Variants in INPPL1 observed in about 807,000 individuals in gnomAD.
The protein encoded by INPPL1 is phosphatidylinositol 3,4,5-trisphosphate 5-phosphatase 2.
A neutral mutation model predicts 139.3 loss-of-function variants in INPPL1; 91 were observed. The observed-to-expected ratio is 0.65, with a 90% confidence interval of 0.55 to 0.78. The LOEUF (loss-of-function observed/expected upper bound fraction) is 0.78, where lower values mean the gene tolerates loss of function less well. INPPL1 is among the 30% of genes least tolerant of loss of function. The pLI, the probability that INPPL1 is intolerant of heterozygous loss-of-function variation, is 0.00. For missense variants in INPPL1, 1,411 were observed against 1,665.6 expected (o/e 0.85, Z 2.66); for synonymous variants, 719 against 686.6 (o/e 1.05, Z -0.74).
At chr11:72,225,759 G>A (rs1387819874) in intron 1 of INPPL1, among the ~76,000 whole-genome samples, 2 of 152,286 alleles carry the variant, frequency 1.3e-5, no homozygotes, top group South Asian at 4.2e-4. Flanking sequence ...GAGTGTTTGA[G>A]CCCTGGCTCT....
Position 72,225,162 on chromosome 11 carries a change from G to C in INPPL1, c.178G>C (p.Val60Leu), listed in dbSNP as rs1035855384. The C allele has an allele frequency of 3.2e-6, 4 of 1,231,454 alleles. No individual in the cohort carries two copies. The highest frequency in any genetic ancestry group is 1.6e-5 in the African/African-American group (1 of 64,400). 76.3% of individuals were successfully genotyped at this position (1,231,454 alleles called of 1,614,324 possible). A position where few individuals can be genotyped will look rare whatever the true frequency, so the allele number is the denominator to read the frequency against. ...CGTGGCGGGGGCCTTCGCGCTCTGC[G>C]TCCTGTGAGTGGGGCGGGGGCTCCT... Reference protein sequence around the residue: ...ESVAGAFALCVLYQKHVHTYR... With the variant: ...ESVAGAFALCLLYQKHVHTYR... The change falls in exon 1 of 28, where the codon GTC becomes CTC. Residue 60 changes from valine to leucine, a missense_variant. Around this residue, in one of 5 missense-constraint regions of INPPL1, gnomAD observed 504 missense variants for 595.6 expected, o/e 0.85. Coordinates refer to ENST00000298229, the MANE Select transcript of INPPL1 (RefSeq NM_001567.4).
At position 72,228,382 on chromosome 11, in the gene INPPL1, C is replaced by T; in HGVS notation, c.281C>T (p.Thr94Ile). Residue 94 changes from threonine (T) to isoleucine (I), a missense_variant, in exon 3 of 28, where the codon ACC becomes ATC. By Grantham distance (89) the Thr-to-Ile change is moderately conservative. Around this residue, in one of 5 missense-constraint regions of INPPL1, gnomAD observed 504 missense variants for 595.6 expected, o/e 0.85. Coordinates refer to ENST00000298229, the MANE Select transcript of INPPL1 (RefSeq NM_001567.4). This position sits in a 1 kb window ranked among gnomAD's most constrained non-coding sequence, Gnocchi z 5.0. ...GGTGTGCCTGTGCGCCGCTTCCAGACCCTGGGTGAGCTCATCGGCCTGTAC... is the reference window on the plus strand; with the variant it reads ...GGTGTGCCTGTGCGCCGCTTCCAGATCCTGGGTGAGCTCATCGGCCTGTAC... ...SQGVPVRRFQ[T>I]LGELIGLYAQ... 3 of 1,613,484 alleles carry T rather than the reference C, an allele frequency of 1.9e-6. No homozygotes were observed. Among genetic ancestry groups the T allele is most frequent in the South Asian group, 1.1e-5 (1 of 91,086 alleles).
chr11:72,234,510 T>TCCCACC lies in INPPL1; in HGVS notation c.2327-8_2327-3dup. ...GAGAGGTGGTGCTCAGTTGGGTGTC[T>TCCCACC]CCCACCCCCACCCCAGAATACAAGA... On this transcript the variant is annotated splice_polypyrimidine_tract_variant and intron_variant, in intron 20 of 27. Transcript: ENST00000298229. This position sits in a 1 kb window ranked among gnomAD's most constrained non-coding sequence, Gnocchi z 4.2. 2 of 1,588,306 alleles carry TCCCACC rather than the reference T, an allele frequency of 1.3e-6. No homozygotes were observed. The highest frequency in any genetic ancestry group is 1.7e-6 in the Non-Finnish European group (2 of 1,156,834).
chr11:72,233,777 A>G (rs1948903323), intron 19 of INPPL1, 33 bp downstream of exon 19: 2 of 1,583,288 alleles, frequency 1.3e-6, no homozygotes, highest in African/African-American at 2.7e-5. Context: ...TGGGTGTGGC[A>G]TAATCTAGGT....
In INPPL1 at chr11:72,233,477, C is replaced by T. The variant is rs1948893859; in HGVS notation, c.2077C>T (p.Leu693=). 1 of 1,614,070 alleles carries T rather than the reference C, an allele frequency of 6.2e-7. No homozygotes were observed. The highest frequency in any genetic ancestry group is 1.3e-5 in the African/African-American group (1 of 74,930). The stretch of plus-strand genomic sequence containing the variant: ...TGTGCCCTCATGGTGTGACCGGATT[C>T]TGTGGAAATCCTACCCTGAAACTCA... The part of the protein sequence containing the change: ...TNVPSWCDRI[L]WKSYPETHII... Residue 693 remains leucine, a synonymous_variant, in exon 18 of 28, where the codon CTG becomes TTG. Coordinates refer to ENST00000298229, the MANE Select transcript of INPPL1 (RefSeq NM_001567.4).
chr11:72,233,022 A>G lies in INPPL1; in HGVS notation c.1951+48A>G, dbSNP rs1186063442. The G allele has an allele frequency of 2.5e-6, 4 of 1,610,184 alleles. No homozygotes were observed. In the South Asian group the frequency reaches 4.4e-5, roughly 18 times the overall value. ...GTGATCTGAGGGCTAGGAGACTTGC[A>G]GTATCCCTGGGTGTCAGGGCCCTGA... On this transcript the variant is annotated intron_variant, in intron 16 of 27. Transcript: ENST00000298229.
intron 19 of INPPL1, 73 bp downstream of exon 19, chr11:72,233,817 T>C (rs1246520590): frequency 8.5e-7 from 1 of 1,175,654 alleles, no homozygotes; most frequent in Non-Finnish European, 1.3e-6. Context: ...GGGATGTACA[T>C]AGGTTTGACT....
At position 72,235,447 on chromosome 11, in the gene INPPL1, C is replaced by T. The variant is rs1372198775; in HGVS notation, c.2655C>T (p.Leu885=). The change falls in exon 23 of 28, where the codon CTC becomes CTT. Residue 885 remains leucine (L), a synonymous_variant. Coordinates refer to ENST00000298229, the MANE Select transcript of INPPL1 (RefSeq NM_001567.4). The surrounding 1 kb of genome is among the most constrained non-coding windows in gnomAD (Gnocchi z 4.9). The part of the protein sequence containing the change: ...PTERLGTRER[L]YEWISIDKDE... ...AGCGCCTGGGCACCCGTGAGCGGCT[C>T]TACGGTGGGGACTCCACTGGGACAT... is the stretch of plus-strand genomic sequence containing the variant. The T allele has an allele frequency of 6.2e-7, 1 of 1,612,058 alleles. No homozygotes were observed. The highest frequency in any genetic ancestry group is 1.1e-5 in the South Asian group (1 of 91,062).
In INPPL1 at chr11:72,238,969, C is replaced by T. The variant is rs1325573234; in HGVS notation, c.*616C>T. 2 of 152,400 alleles carry T rather than the reference C, an allele frequency of 1.3e-5. No homozygotes were observed. Among genetic ancestry groups the T allele is most frequent in the African/African-American group, 4.8e-5 (2 of 41,318 alleles). The allele number at this position is 152,400 out of a possible 1,614,324, so 9.4% of individuals were successfully genotyped here. A position where few individuals can be genotyped will look rare whatever the true frequency, so the allele number is the denominator to read the frequency against. ...GTCTCCTGGTCTGTGCTGCCCTGCT[C>T]TGGGGATGCACGGCGGCAGGGTGGG... On this transcript the variant is annotated 3_prime_UTR_variant, in exon 28 of 28. Transcript: ENST00000298229.
At chr11:72,223,692 C>T (rs1948579812), upstream of INPPL1, 1 of 151,978 alleles carries the variant, frequency 6.6e-6, no homozygotes, top group African/African-American at 2.4e-5. Flanking sequence ...AGCCGGCCCT[C>T]GCCACAGGAT....
In INPPL1 at chr11:72,228,830, A is replaced by G. The variant is rs61735633; in HGVS notation, c.501A>G (p.Thr167=). The change falls in exon 4 of 28, where the codon ACA becomes ACG. Residue 167 remains threonine (T), a synonymous_variant. Coordinates refer to ENST00000298229, the MANE Select transcript of INPPL1 (RefSeq NM_001567.4). This position sits in a 1 kb window ranked among gnomAD's most constrained non-coding sequence, Gnocchi z 5.0. ...SSPLPAPETP[T]APAAESAPNG... Reference sequence around the variant, plus strand: ...CCCTGCCAGCTCCTGAGACTCCCACAGCTCCAGCTGCTGAGAGGTGAGACC... The same window carrying G: ...CCCTGCCAGCTCCTGAGACTCCCACGGCTCCAGCTGCTGAGAGGTGAGACC... 6 of 1,609,896 alleles carry G rather than the reference A, an allele frequency of 3.7e-6. No homozygotes were observed. In the Middle Eastern group the frequency reaches 5.0e-4, roughly 133 times the overall value.
In INPPL1 at chr11:72,232,763, A is replaced by G; in HGVS notation, c.1850A>G (p.Gln617Arg). The change falls in exon 15 of 28, where the codon CAG becomes CGG. Residue 617 changes from glutamine (Q) to arginine (R), a missense_variant and splice_region_variant. Around this residue, in one of 5 missense-constraint regions of INPPL1, gnomAD observed 363 missense variants for 446.2 expected, o/e 0.81. Transcript: ENST00000298229. Reference sequence around the variant, plus strand: ...AACTACCGCCTGGACATGGATATCCAGGTGCGAGCAGGGCCCTGCCATGGC... The same window carrying G: ...AACTACCGCCTGGACATGGATATCCGGGTGCGAGCAGGGCCCTGCCATGGC... ...DLNYRLDMDI[Q>R]EILNYISRKE... 6 of 1,613,914 alleles carry G rather than the reference A, an allele frequency of 3.7e-6. No individual in the cohort carries two copies. The highest frequency in any genetic ancestry group is 5.1e-6 in the Non-Finnish European group (6 of 1,179,960).
At chr11:72,230,966 G>A in intron 11 of INPPL1, 27 bp from the exon 12 acceptor site, 1 of 1,612,036 alleles carries the variant, frequency 6.2e-7, no homozygotes, top group Non-Finnish European at 8.5e-7. Flanking sequence ...AACCCCTCCA[G>A]ACCCACCTCA....
At position 72,235,398 on chromosome 11, in the gene INPPL1, C is replaced by T. The variant is rs927812113; in HGVS notation, c.2606C>T (p.Ser869Phe). The change falls in exon 23 of 28, where the codon TCC becomes TTC. Residue 869 changes from serine (S) to phenylalanine (F), a missense_variant. By Grantham distance (155) the Ser-to-Phe change is radical. Around this residue, in one of 5 missense-constraint regions of INPPL1, gnomAD observed 99 missense variants for 171.6 expected, o/e 0.58. Coordinates refer to ENST00000298229, the MANE Select transcript of INPPL1 (RefSeq NM_001567.4). The surrounding 1 kb of genome is among the most constrained non-coding windows in gnomAD (Gnocchi z 4.9). ...RGEETGNIRG[S>F]MKVRVPTERL... ...GAGGAGACAGGCAATATCAGAGGCT[C>T]CATGAAGGTGCGGGTGCCCACGGAG... 1.1e-5 allele frequency: 17 copies of T among 1,613,954 alleles called. No individual in the cohort carries two copies. The highest frequency in any genetic ancestry group is 1.6e-4 in the Middle Eastern group (1 of 6,062).
chr11:72,230,327 G>A (rs753958096), intron 9 of INPPL1, 35 bp from the exon 10 acceptor site: 11 of 1,613,402 alleles, frequency 6.8e-6, no homozygotes, highest in Non-Finnish European at 2.5e-6. Context: ...TGGCCTAGGG[G>A]CACAGGCCCA....
chr11:72,233,803 C>T, intron 19 of INPPL1, 59 bp downstream of exon 19: 3 of 1,376,226 alleles, frequency 2.2e-6, no homozygotes, highest in Non-Finnish European at 2.1e-6. Flanking sequence ...CAGGTGGTGG[C>T]CTCGGGATGT....
In INPPL1 at chr11:72,228,039, C is replaced by T; in HGVS notation, c.183-151C>T. 1.4e-6 allele frequency: 1 copy of T among 729,226 alleles called. No individual in the cohort carries two copies. Among genetic ancestry groups the T allele is most frequent in the South Asian group, 1.6e-5 (1 of 61,988 alleles). The allele number at this position is 729,226 out of a possible 1,614,324, so 45.2% of individuals were successfully genotyped here. A position where few individuals can be genotyped will look rare whatever the true frequency, so the allele number is the denominator to read the frequency against. The stretch of plus-strand genomic sequence containing the variant: ...CAGGAGGGTGGAAGTGGACCGGCCA[C>T]ATCATTAACCCTGTGCAGCCTGGGC... On this transcript the variant is annotated intron_variant, in intron 1 of 27. Transcript: ENST00000298229. This position sits in a 1 kb window ranked among gnomAD's most constrained non-coding sequence, Gnocchi z 5.0.
Position 72,235,190 on chromosome 11 carries a change from C to T in INPPL1, c.2490C>T (p.Gly830=). 2 of 1,614,032 alleles carry T rather than the reference C, an allele frequency of 1.2e-6. No individual in the cohort carries two copies. Among genetic ancestry groups the T allele is most frequent in the East Asian group, 4.5e-5 (2 of 44,876 alleles). ...HLLLTVKSMD[G]YESYGECVVA... is the part of the protein sequence containing the mutation. ...TGCTCACAGTCAAGTCCATGGATGG[C>T]TATGAATCCTATGGTGAGGGGTGAG... Residue 830 remains glycine, a synonymous_variant, in exon 22 of 28, where the codon GGC becomes GGT. Transcript: ENST00000298229. The surrounding 1 kb of genome is among the most constrained non-coding windows in gnomAD (Gnocchi z 4.9).
upstream of INPPL1, among the ~76,000 whole-genome samples, chr11:72,224,366 G>C (rs2135412082): frequency 6.6e-6 from 1 of 152,028 alleles, no homozygotes; most frequent in Middle Eastern, 3.4e-3. Flanking sequence ...TCCTTCGCAG[G>C]TTTGGGGAAC....
Sources: gnomAD v4.1 joint callset for allele counts (sites outside exome capture counted in the v4.1 genomes callset) on GRCh38, gnomAD v4.1.1 for gene constraint, gnomAD v4.1.1 regional missense constraint, Gnocchi (gnomAD v3.1) non-coding constraint, MANE v1.5 for transcripts, NCBI Gene and HGNC (gene_info 2026-07-23, HGNC 2026-07-21) for gene names.